The following SREBF2 variants were observed in gnomAD, a reference collection of about 807,000 sequenced individuals.
SREBF2 encodes the protein sterol regulatory element-binding protein 2.
A neutral mutation model predicts 113.1 loss-of-function variants in SREBF2; 55 were observed. That is an observed-to-expected ratio of 0.49 (90% CI 0.39 to 0.61). The LOEUF is 0.61. SREBF2 is among the 20% of genes least tolerant of loss of function. The pLI is 0.00. For missense variants in SREBF2, 1,349 were observed against 1,487.4 expected (o/e 0.91, Z 1.53); for synonymous variants, 593 against 605.7 (o/e 0.98, Z 0.31).
chr22:41,870,756 A>G, intron 3 of SREBF2, 133 bp from the exon 4 acceptor site: 1 of 1,306,896 alleles, frequency 7.7e-7, no homozygotes, highest in Non-Finnish European at 1.1e-6. Context: ...TTTCCTGTTC[A>G]TTTTTTTATT....
At chr22:41,864,261 T>TATATACACACACACACAC (rs1204150898) in intron 1 of SREBF2, among the ~76,000 whole-genome samples, 1 of 51,006 alleles carries the variant, frequency 2.0e-5, no homozygotes, top group Non-Finnish European at 3.6e-5. Context: ...TATATATATA[T>TATATACACACACACACAC]ACACACACAC....
intron 1 of SREBF2, among the ~76,000 whole-genome samples, chr22:41,846,267 G>A (rs1056742337): frequency 3.3e-5 from 5 of 152,164 alleles, no homozygotes; most frequent in African/African-American, 1.2e-4. Flanking sequence ...TAGAAAAGCT[G>A]GAGAGCCAAT....
At chr22:41,903,867 G>T (rs971237286) in intron 17 of SREBF2, among the ~76,000 whole-genome samples, 7 of 152,152 alleles carry the variant, frequency 4.6e-5, no homozygotes, top group Non-Finnish European at 7.4e-5. Context: ...CCCACCCAGG[G>T]TTGCACTGTG....
At position 41,871,000 on chromosome 22, in the gene SREBF2, A is replaced by T; in HGVS notation, c.832A>T (p.Thr278Ser). The change falls in exon 4 of 19, where the codon ACC becomes TCC. Residue 278 changes from threonine (T) to serine (S), a missense_variant. Thr to Ser is a moderately conservative substitution (Grantham distance 58). Coordinates refer to ENST00000361204, the MANE Select transcript of SREBF2 (RefSeq NM_004599.4). ...AVQNPALTALTTPIQTAALQV... is the reference protein window; with the variant it reads ...AVQNPALTALSTPIQTAALQV... ...CCAGAACCCGGCCCTCACCGCCCTC[A>T]CCACCCCTATCCAGACGGCTGCCCT... 6.2e-7 allele frequency: 1 copy of T among 1,613,786 alleles called. No individual in the cohort carries two copies. Among genetic ancestry groups the T allele is most frequent in the Non-Finnish European group, 8.5e-7 (1 of 1,179,974 alleles).
At chr22:41,852,357 A>G (rs2076940095) in intron 1 of SREBF2, among the ~76,000 whole-genome samples, 1 of 151,156 alleles carries the variant, frequency 6.6e-6, no homozygotes, top group South Asian at 2.1e-4. Flanking sequence ...TTTTTCAAAG[A>G]TAGCACAGTG....
At chr22:41,894,269 G>T (rs909034841) in intron 12 of SREBF2, among the ~76,000 whole-genome samples, 3 of 152,064 alleles carry the variant, frequency 2.0e-5, no homozygotes, top group African/African-American at 7.2e-5. Context: ...GTGATTTGAG[G>T]CCTGCCAGTA....
intron 1 of SREBF2, among the ~76,000 whole-genome samples, chr22:41,864,273 C>T (rs1386342477): frequency 1.1e-3 from 139 of 132,272 alleles, no homozygotes; most frequent in Non-Finnish European, 1.8e-3. Flanking sequence ...CACACACACA[C>T]ACACACACAC....
chr22:41,871,155 A>T, intron 4 of SREBF2, 120 bp downstream of exon 4: 1 of 1,353,386 alleles, frequency 7.4e-7, no homozygotes, highest in Non-Finnish European at 1.0e-6. Flanking sequence ...AGCACAAATC[A>T]GTCAAATTGT....
At chr22:41,892,634 C>T (rs1161359779) in intron 11 of SREBF2, among the ~76,000 whole-genome samples, 8 of 120,148 alleles carry the variant, frequency 6.7e-5, no homozygotes, top group East Asian at 4.5e-4. Context: ...GGCGACAGAG[C>T]GAAACTCCGT....
At chr22:41,860,867 A>G (rs1238664587) in intron 1 of SREBF2, among the ~76,000 whole-genome samples, 4 of 152,130 alleles carry the variant, frequency 2.6e-5, no homozygotes, top group Non-Finnish European at 5.9e-5. Flanking sequence ...GCAAGAGAGC[A>G]AGACCCTGTC....
intron 11 of SREBF2, among the ~76,000 whole-genome samples, chr22:41,888,697 ATTGTC>A (rs1569404299): frequency 6.6e-6 from 1 of 152,206 alleles, no homozygotes; most frequent in East Asian, 1.9e-4. Context: ...ATTTTTGTCC[ATTGTC>A]TTCATGCACC....
intron 4 of SREBF2, 107 bp from the exon 5 acceptor site, chr22:41,873,691 A>G: frequency 1.8e-6 from 2 of 1,083,570 alleles, no homozygotes; most frequent in South Asian, 1.4e-5. Context: ...CTCATGAAGT[A>G]CTGCCAGGTC....
intron 16 of SREBF2, 120 bp from the exon 17 acceptor site, chr22:41,902,850 C>T: frequency 8.8e-7 from 1 of 1,131,234 alleles, no homozygotes; most frequent in South Asian, 1.3e-5. Flanking sequence ...CTCTGGGGCT[C>T]TCCACTTCCT....
chr22:41,897,375 A>G (rs995751009), intron 14 of SREBF2, among the ~76,000 whole-genome samples: 1 of 152,180 alleles, frequency 6.6e-6, no homozygotes, highest in South Asian at 2.1e-4. Flanking sequence ...GCAATGAGTA[A>G]TTGAATGTCT....
intron 1 of SREBF2, among the ~76,000 whole-genome samples, chr22:41,852,705 G>T (rs914396407): frequency 7.6e-6 from 1 of 131,998 alleles, no homozygotes; most frequent in Non-Finnish European, 1.6e-5. Flanking sequence ...TTTTATTCCA[G>T]CCATTCTCAT....
At chr22:41,903,219 C>A (rs2077480025) in intron 17 of SREBF2, 64 bp downstream of exon 17, 1 of 1,524,024 alleles carries the variant, frequency 6.6e-7, no homozygotes, top group South Asian at 1.2e-5. Flanking sequence ...GCCCAGAACC[C>A]AGCATGGGCA....
At chr22:41,856,939 C>T (rs1375450122) in intron 1 of SREBF2, among the ~76,000 whole-genome samples, 3 of 151,766 alleles carry the variant, frequency 2.0e-5, no homozygotes, top group Non-Finnish European at 4.4e-5. Flanking sequence ...TGGTGGCAGG[C>T]GGCTGTAATC....
Position 41,833,132 on chromosome 22 carries a change from C to G in SREBF2, c.-139C>G, listed in dbSNP as rs974299691. 4 of 602,262 alleles carry G rather than the reference C, an allele frequency of 6.6e-6. No individual in the cohort carries two copies. The East Asian group carries it at 1.4e-4, about 21-fold the overall frequency. 37.3% of individuals were successfully genotyped at this position (602,262 alleles called of 1,614,324 possible). A position where few individuals can be genotyped will look rare whatever the true frequency, so the allele number is the denominator to read the frequency against. ...TTCTGTGCGGCGCCCGGGCGCAACG[C>G]AAACATGGCGGCGGGTGGCACCCGT... On this transcript the variant is annotated 5_prime_UTR_variant, in exon 1 of 19. Transcript: ENST00000361204. This position sits in a 1 kb window ranked among gnomAD's most constrained non-coding sequence, Gnocchi z 4.1.
chr22:41,870,628 CAAAAAAAAAAA>C (rs133289), intron 3 of SREBF2, among the ~76,000 whole-genome samples: 1 of 56,152 alleles, frequency 1.8e-5, no homozygotes, highest in Non-Finnish European at 3.3e-5. Flanking sequence ...CCTGTCTCAG[CAAAAAAAAAAA>C]AAAAAAAAAA....
Sources: allele counts gnomAD v4.1 joint callset (sites outside exome capture counted in the v4.1 genomes callset), GRCh38; gene constraint gnomAD v4.1.1; non-coding constraint Gnocchi (gnomAD v3.1); transcripts MANE v1.5; gene names NCBI Gene and HGNC (gene_info 2026-07-23, HGNC 2026-07-21).